The following ESPNL variants were observed in gnomAD, a reference collection of about 807,000 sequenced individuals.
The protein encoded by ESPNL is espin like, also known as espin-like protein.
ESPNL carries 49 observed loss-of-function variants against 46.8 expected under a neutral mutation model. The ratio of observed to expected loss-of-function variants is 1.05; its 90% confidence interval spans 0.83 to 1.33. The LOEUF (loss-of-function observed/expected upper bound fraction) is 1.33. Among genes scored for constraint, ESPNL ranks in the 40% most tolerant of loss-of-function variants. The probability of loss-of-function intolerance (pLI) is 0.00; values close to 1 mark genes in which losing one functional copy is unlikely to be tolerated. For missense variants in ESPNL, 1,540 were observed against 1,436.6 expected, an observed-to-expected ratio of 1.07 and a Z score of -1.16; for synonymous variants, 664 against 662.1, an observed-to-expected ratio of 1.00 and a Z score of -0.04.
intron 4 of ESPNL, among the ~76,000 whole-genome samples, chr2:238,116,317 A>G (rs767184318): frequency 6.6e-6 from 1 of 152,060 alleles, no homozygotes; most frequent in East Asian, 1.9e-4. Flanking sequence ...ATCAGGTACA[A>G]GGAGACAGGA....
At chr2:238,116,288 A>G (rs1024527846) in intron 4 of ESPNL, among the ~76,000 whole-genome samples, 1 of 151,632 alleles carries the variant, frequency 6.6e-6, no homozygotes, top group South Asian at 2.1e-4. Context: ...CTTCCTCCCC[A>G]TTCCCATCAC....
intron 3 of ESPNL, 78 bp from the exon 4 acceptor site, chr2:238,107,713 C>T: frequency 2.9e-6 from 4 of 1,401,554 alleles, no homozygotes; most frequent in Non-Finnish European, 2.9e-6. Flanking sequence ...TCCACTTTCA[C>T]TTCTGCTCCA....
At chr2:238,129,254 C>T (rs57522524) in intron 8 of ESPNL, 28,524 of 1,190,494 alleles carry the variant, frequency 0.024, 640 homozygotes, top group East Asian at 0.096. Context: ...GTGTGGGGTG[C>T]GATTCCCACT....
In ESPNL at chr2:238,131,826, GC is replaced by G; in HGVS notation, c.*96del. On this transcript the variant is annotated 3_prime_UTR_variant, in exon 9 of 9. Coordinates refer to ENST00000343063, the MANE Select transcript of ESPNL (RefSeq NM_194312.4). ...GCTCACACCCTTGGTGTTCAGGTGA[GC>G]CGGGCAAGGCTGCCTCCAGTCCTAC... The G allele has an allele frequency of 1.4e-6, 2 of 1,379,946 alleles. No homozygotes were observed. Among genetic ancestry groups the G allele is most frequent in the Admixed American group, 4.4e-5 (2 of 45,260 alleles). The allele number at this position is 1,379,946 out of a possible 1,614,324, so 85.5% of individuals were successfully genotyped here.
chr2:238,101,915 T>C (rs1369858213), intron 1 of ESPNL, 26 bp from the exon 2 acceptor site: 2 of 1,582,572 alleles, frequency 1.3e-6, no homozygotes, highest in Non-Finnish European at 1.7e-6. Context: ...TACCCCCCAC[T>C]CACTGACCTA....
Position 238,104,655 on chromosome 2 carries a change from G to A in ESPNL, c.486-1G>A. The A allele has an allele frequency of 1.9e-6, 3 of 1,579,542 alleles. No individual in the cohort carries two copies. The highest frequency in any genetic ancestry group is 1.1e-5 in the South Asian group (1 of 87,184). On this transcript the variant is annotated splice_acceptor_variant, in intron 2 of 8. Coordinates refer to ENST00000343063, the MANE Select transcript of ESPNL (RefSeq NM_194312.4). LOFTEE classifies it high-confidence loss of function. The stretch of plus-strand genomic sequence containing the variant: ...GCCTCCAAACCCTCCCTTCCCTGCA[G>A]CAGCGTGAACCGGCGGACACGCAGT...
chr2:238,106,801 G>A (rs575797529), intron 3 of ESPNL, among the ~76,000 whole-genome samples: 10 of 152,258 alleles, frequency 6.6e-5, no homozygotes, highest in Admixed American at 1.3e-4. Context: ...GGGAGAAAGC[G>A]GGCAGGCCTC....
chr2:238,125,373 G>T lies in ESPNL; in HGVS notation c.1091G>T (p.Gly364Val). 6.4e-7 allele frequency: 1 copy of T among 1,555,946 alleles called. No individual in the cohort carries two copies. Among genetic ancestry groups the T allele is most frequent in the South Asian group, 1.2e-5 (1 of 83,254 alleles). Residue 364 changes from glycine (G) to valine (V), a missense_variant, in exon 6 of 9, where the codon GGG (glycine) becomes GTG (valine). Coordinates refer to ENST00000343063, the MANE Select transcript of ESPNL (RefSeq NM_194312.4). ...GGAAGAAGAGGAGGCCCAGGGCCAG[G>T]GAACCCCAGCCGTGAGTGCACAGCC... is the stretch of plus-strand genomic sequence containing the variant. ...EDGRRGGPGP[G>V]NPSPMSLSPA...
Position 238,100,382 on chromosome 2 carries a change from C to A in ESPNL, c.-38C>A. 6.4e-7 allele frequency: 1 copy of A among 1,551,496 alleles called. No homozygotes were observed. The highest frequency in any genetic ancestry group is 8.7e-7 in the Non-Finnish European group (1 of 1,154,902). Reference sequence around the variant, plus strand: ...CCACGTCTGAAACAGGAAGCCCCAGCCTGTGCATGAGTCGCCACTGAGAGC... The same window carrying A: ...CCACGTCTGAAACAGGAAGCCCCAGACTGTGCATGAGTCGCCACTGAGAGC... On this transcript the variant is annotated 5_prime_UTR_variant, in exon 1 of 9. Transcript: ENST00000343063.
chr2:238,131,136 C>T lies in ESPNL; in HGVS notation c.2422C>T (p.Leu808=). The T allele has an allele frequency of 6.5e-7, 1 of 1,546,056 alleles. No homozygotes were observed. Among genetic ancestry groups the T allele is most frequent in the Non-Finnish European group, 8.7e-7 (1 of 1,146,996 alleles). ...WQQRSTITHL[L]GNWKAIMAHV... is the part of the protein sequence containing the mutation. ...GCAGCGCAGCACCATCACCCACCTG[C>T]TGGGCAACTGGAAGGCCATCATGGC... is the stretch of plus-strand genomic sequence containing the variant. The change falls in exon 9 of 9, where the codon CTG becomes TTG. Residue 808 remains leucine (L), a synonymous_variant. Transcript: ENST00000343063.
chr2:238,127,754 A>G lies in ESPNL; in HGVS notation c.1215+20A>G, dbSNP rs375739536. 1 of 1,585,780 alleles carries G rather than the reference A, an allele frequency of 6.3e-7. No individual in the cohort carries two copies. Among genetic ancestry groups the G allele is most frequent in the Non-Finnish European group, 8.6e-7 (1 of 1,164,180 alleles). ...CCCGAGGTTCGTCCTCCACCCCTGC[A>G]TTCCTGTCTCCCGGGGCCCCTAGCC... On this transcript the variant is annotated intron_variant, in intron 7 of 8. Transcript: ENST00000343063.
At chr2:238,126,233 TTGTA>T (rs1291072077) in intron 6 of ESPNL, among the ~76,000 whole-genome samples, 1 of 151,968 alleles carries the variant, frequency 6.6e-6, no homozygotes, top group Non-Finnish European at 1.5e-5. Flanking sequence ...TGTGTCTGTA[TTGTA>T]TGTATGTGTA....
chr2:238,121,211 A>G (rs1000259275), intron 5 of ESPNL, among the ~76,000 whole-genome samples: 2 of 152,158 alleles, frequency 1.3e-5, no homozygotes, highest in Non-Finnish European at 2.9e-5. Context: ...CTGCTAGCCA[A>G]GGAGCTGGGA....
At chr2:238,124,770 C>CGT (rs1692066794) in intron 5 of ESPNL, among the ~76,000 whole-genome samples, 2 of 121,818 alleles carry the variant, frequency 1.6e-5, no homozygotes, top group African/African-American at 3.2e-5. Context: ...AGTGTACATG[C>CGT]GTGTGTGCAG....
rs1011985234 is a variant in ESPNL, at chr2:238,114,389, A to C, written c.856-2514A>C. Among the ~76,000 whole-genome samples the C allele has an allele frequency of 2.0e-5, 3 of 151,798 alleles. No individual in the cohort carries two copies. The highest frequency in any genetic ancestry group is 7.3e-5 in the African/African-American group (3 of 41,306). On this transcript the variant is annotated intron_variant, in intron 4 of 8. Coordinates refer to ENST00000343063, the MANE Select transcript of ESPNL (RefSeq NM_194312.4). The surrounding 1 kb of genome is among the most constrained non-coding windows in gnomAD (Gnocchi z 5.0). ...CTCCGCATCCTGGCCTCCTCTTCCC[A>C]GCAACAGCTCCTTGGGGACGCTCCG...
intron 7 of ESPNL, 145 bp downstream of exon 7, chr2:238,127,879 T>A: frequency 1.6e-6 from 1 of 628,348 alleles, no homozygotes; most frequent in East Asian, 3.0e-5. Context: ...ACTCCGCTGC[T>A]CTCGAGAACA....
chr2:238,123,071 G>A (rs185594028), intron 5 of ESPNL, among the ~76,000 whole-genome samples: 192 of 152,294 alleles, frequency 1.3e-3, no homozygotes, highest in African/African-American at 4.5e-3. Context: ...CAGGTGGTGC[G>A]AGTTGGGTCC....
chr2:238,123,936 G>A (rs1219245675), intron 5 of ESPNL, among the ~76,000 whole-genome samples: 1 of 152,184 alleles, frequency 6.6e-6, no homozygotes, highest in Non-Finnish European at 1.5e-5. Context: ...TCCTTGCTGG[G>A]AGGCAGCCTG....
At chr2:238,129,128 C>T (rs980019882) in intron 8 of ESPNL, 1 of 1,403,950 alleles carries the variant, frequency 7.1e-7, no homozygotes, top group Non-Finnish European at 9.2e-7. Flanking sequence ...TCCCACGTAT[C>T]CTTCCACTTG....
Sources: allele counts gnomAD v4.1 joint callset (sites outside exome capture counted in the v4.1 genomes callset), GRCh38; gene constraint gnomAD v4.1.1; non-coding constraint Gnocchi (gnomAD v3.1); transcripts MANE v1.5; gene names NCBI Gene and HGNC (gene_info 2026-07-23, HGNC 2026-07-21).